SLAMF6: variants seen among roughly 807,000 people sequenced by gnomAD.
SLAMF6 encodes the protein NK-T-B-antigen.
A neutral mutation model predicts 38.3 loss-of-function variants in SLAMF6; 21 were observed. The observed-to-expected ratio is 0.55, with a 90% CI of 0.39 to 0.79. SLAMF6 has a LOEUF of 0.79. SLAMF6 is among the 30% of genes least tolerant of loss of function. SLAMF6 has a pLI of 0.00. For missense variants in SLAMF6, 341 were observed against 385.3 expected, an observed-to-expected ratio of 0.89 and a Z score of 0.96; for synonymous variants, 152 against 146.3, an observed-to-expected ratio of 1.04 and a Z score of -0.28.
chr1:160,517,342 A>G (rs1654791795), intron 1 of SLAMF6, among the ~76,000 whole-genome samples: 4 of 152,190 alleles, frequency 2.6e-5, no homozygotes, highest in Admixed American at 2.6e-4. Context: ...TGATTATGAA[A>G]AAGTCAAGAA....
Position 160,489,190 on chromosome 1 carries a change from C to T in SLAMF6, c.797-20G>A. 1 of 1,613,508 alleles carries T rather than the reference C, an allele frequency of 6.2e-7. No homozygotes were observed. Among genetic ancestry groups the T allele is most frequent in the Non-Finnish European group, 8.5e-7 (1 of 1,179,560 alleles). ...ACTCTGCTGTTAACATAGGAAGGCA[C>T]AGTCAATGGCACAAGGACTCTGGGA... On this transcript the variant is annotated intron_variant, in intron 5 of 7. Coordinates refer to ENST00000368057, the MANE Select transcript of SLAMF6 (RefSeq NM_001184714.2).
intron 1 of SLAMF6, among the ~76,000 whole-genome samples, chr1:160,511,104 C>G (rs894095933): frequency 3.3e-5 from 5 of 152,128 alleles, no homozygotes; most frequent in Admixed American, 6.6e-5. Flanking sequence ...GGAAATACAT[C>G]CTATGTTCAT....
At chr1:160,496,732 G>T (rs1653602963) in intron 1 of SLAMF6, among the ~76,000 whole-genome samples, 1 of 152,246 alleles carries the variant, frequency 6.6e-6, no homozygotes, top group African/African-American at 2.4e-5. Flanking sequence ...GGTTGAGGGG[G>T]ACAGGAAACT....
chr1:160,494,359 T>G (rs1653455072), intron 2 of SLAMF6, among the ~76,000 whole-genome samples: 1 of 152,144 alleles, frequency 6.6e-6, no homozygotes, highest in Non-Finnish European at 1.5e-5. Context: ...GCAAATGTGA[T>G]GAAGCCTGGT....
chr1:160,487,093 C>A lies in SLAMF6; in HGVS notation c.951+11G>T, dbSNP rs188017294. 5.0e-6 allele frequency: 8 copies of A among 1,597,464 alleles called. No homozygotes were observed. The Admixed American group carries it at 1.0e-4, about 20-fold the overall frequency. The stretch of plus-strand genomic sequence containing the variant: ...TAAGAATATAAAAACATGGAGCAAT[C>A]GTGGGCTTACCTCTTTGGAATGATT... On this transcript the variant is annotated intron_variant, in intron 7 of 7. Coordinates refer to ENST00000368057, the MANE Select transcript of SLAMF6 (RefSeq NM_001184714.2).
At chr1:160,510,976 T>C (rs73014363) in intron 1 of SLAMF6, among the ~76,000 whole-genome samples, 3,910 of 152,212 alleles carry the variant, frequency 0.026, 103 homozygotes, top group East Asian at 0.11. Context: ...GAAAAGCAGT[T>C]CCATGTACAG....
At chr1:160,491,089 C>G (rs1257360607) in intron 3 of SLAMF6, 36 bp downstream of exon 3, 1 of 1,610,100 alleles carries the variant, frequency 6.2e-7, no homozygotes, top group South Asian at 1.1e-5. Flanking sequence ...AACCCCATAG[C>G]TGCTCAAGGC....
At chr1:160,492,587 G>GA (rs937251602) in intron 2 of SLAMF6, among the ~76,000 whole-genome samples, 16 of 150,568 alleles carry the variant, frequency 1.1e-4, no homozygotes, top group African/African-American at 2.4e-4. Flanking sequence ...TGGCTGAACT[G>GA]AAAAAAAAAT....
At chr1:160,522,104 C>A (rs1260720641) in intron 1 of SLAMF6, among the ~76,000 whole-genome samples, 1 of 152,172 alleles carries the variant, frequency 6.6e-6, no homozygotes, top group Non-Finnish European at 1.5e-5. Flanking sequence ...TTGATGGGAT[C>A]TCTTGCTTCA....
At position 160,485,974 on chromosome 1, in the gene SLAMF6, C is replaced by T. The variant is rs1448183771; in HGVS notation, c.*733G>A. On this transcript the variant is annotated 3_prime_UTR_variant, in exon 8 of 8. Transcript: ENST00000368057. ...CCTTTTTCAGTCTGGGAGACTAAGG[C>T]TCCAAAAGGTTAGGCAGTATGTCCC... is the stretch of plus-strand genomic sequence containing the variant. 6.6e-6 allele frequency: 1 copy of T among 152,558 alleles called. No individual in the cohort carries two copies. Among genetic ancestry groups the T allele is most frequent in the Admixed American group, 6.5e-5 (1 of 15,268 alleles). The allele number at this position is 152,558 out of a possible 1,614,324, so 9.5% of individuals were successfully genotyped here. A position where few individuals can be genotyped will look rare whatever the true frequency, so the allele number is the denominator to read the frequency against.
intron 1 of SLAMF6, among the ~76,000 whole-genome samples, chr1:160,518,549 A>G (rs1010487126): frequency 2.0e-5 from 3 of 152,194 alleles, no homozygotes; most frequent in Non-Finnish European, 2.9e-5. Flanking sequence ...AGACCGGATA[A>G]AGAAAATGTG....
intron 1 of SLAMF6, among the ~76,000 whole-genome samples, chr1:160,499,401 C>T (rs933570482): frequency 1.3e-5 from 2 of 152,044 alleles, no homozygotes; most frequent in Admixed American, 1.3e-4. Context: ...GTTTTTTGTT[C>T]TCTTCCAGTT....
At chr1:160,497,540 G>A (rs1653652417) in intron 1 of SLAMF6, among the ~76,000 whole-genome samples, 1 of 151,976 alleles carries the variant, frequency 6.6e-6, no homozygotes, top group Non-Finnish European at 1.5e-5. Flanking sequence ...TTAGATATGG[G>A]GGTACATGTG....
chr1:160,502,288 G>A (rs753159522), intron 1 of SLAMF6, among the ~76,000 whole-genome samples: 7 of 152,200 alleles, frequency 4.6e-5, no homozygotes, highest in Admixed American at 3.3e-4. Context: ...GCTACAACTC[G>A]TAGGCTGCTT....
intron 4 of SLAMF6, 28 bp from the exon 5 acceptor site, chr1:160,490,264 T>A (rs771221196): frequency 6.2e-7 from 1 of 1,612,890 alleles, no homozygotes; most frequent in Non-Finnish European, 8.5e-7. Context: ...AAAATTGAAA[T>A]GTGTGACAGC....
intron 3 of SLAMF6, 95 bp downstream of exon 3, chr1:160,491,029 TC>T: frequency 2.0e-6 from 3 of 1,490,454 alleles, no homozygotes; most frequent in Non-Finnish European, 2.7e-6. Context: ...ATTTTCTGCC[TC>T]CCACTGGGCC....
At chr1:160,500,305 G>A (rs910951580) in intron 1 of SLAMF6, among the ~76,000 whole-genome samples, 5 of 152,174 alleles carry the variant, frequency 3.3e-5, no homozygotes, top group Non-Finnish European at 7.4e-5. Flanking sequence ...AAATGATCTG[G>A]CCATTTCTCT....
chr1:160,488,865 C>T lies in SLAMF6; in HGVS notation c.879+223G>A, dbSNP rs142586576. Among the ~76,000 whole-genome samples the T allele has an allele frequency of 2.0e-5, 3 of 152,232 alleles. No homozygotes were observed. The South Asian group carries it at 6.2e-4, about 32-fold the overall frequency. ...GGACAAGACTTACTGATGCATCAAG[C>T]GGTTGGAGAACTGTGTAAGGCAGGG... On this transcript the variant is annotated intron_variant, in intron 6 of 7. Transcript: ENST00000368057.
At chr1:160,488,557 T>C (rs1426009151) in intron 6 of SLAMF6, among the ~76,000 whole-genome samples, 2 of 152,154 alleles carry the variant, frequency 1.3e-5, no homozygotes, top group African/African-American at 4.8e-5. Flanking sequence ...CATCCTGTTA[T>C]GCTGCTAGAT....
Sources: gnomAD v4.1 joint callset for allele counts (sites outside exome capture counted in the v4.1 genomes callset) on GRCh38, gnomAD v4.1.1 for gene constraint, MANE v1.5 for transcripts, NCBI Gene and HGNC (gene_info 2026-07-23, HGNC 2026-07-21) for gene names.